CTNNA2: variants seen among roughly 807,000 people sequenced by gnomAD.
The protein encoded by CTNNA2 is catenin alpha 2.
Under a neutral mutation model 101.0 loss-of-function variants are expected in CTNNA2, and 42 were observed. That is an observed-to-expected ratio of 0.42 (90% confidence interval 0.32 to 0.54). The LOEUF is 0.54. Ranked by LOEUF, CTNNA2 falls within the 20% of genes least tolerant of loss-of-function variation. The pLI is 0.14. For synonymous variants in CTNNA2, 450 were observed against 456.4 expected (o/e 0.99, Z 0.18); for missense variants, 871 against 1,223.1 (o/e 0.71, Z 4.29).
intron 7 of CTNNA2, among the ~76,000 whole-genome samples, chr2:80,307,003 A>C (rs573101147): frequency 6.6e-6 from 1 of 151,162 alleles, no homozygotes; most frequent in South Asian, 2.1e-4. Flanking sequence ...GTGCTACTCA[A>C]AACTTACAAG....
intron 7 of CTNNA2, among the ~76,000 whole-genome samples, chr2:80,136,862 CAGA>C (rs1702724897): frequency 6.6e-6 from 1 of 152,162 alleles, no homozygotes; most frequent in Non-Finnish European, 1.5e-5. Flanking sequence ...CTTTACTGGA[CAGA>C]AGGTCAGTCA....
intron 13 of CTNNA2, 36 bp downstream of exon 13, chr2:80,574,350 TCTC>T: frequency 6.5e-7 from 1 of 1,537,682 alleles, no homozygotes; most frequent in Non-Finnish European, 8.8e-7. Context: ...GCTGGTCAGA[TCTC>T]CTAGTAGGAA....
At chr2:80,492,407 G>A (rs945836864) in intron 9 of CTNNA2, among the ~76,000 whole-genome samples, 1 of 152,136 alleles carries the variant, frequency 6.6e-6, no homozygotes, top group African/African-American at 2.4e-5. Flanking sequence ...AGCAGCATGA[G>A]AATGGACTCA....
intron 7 of CTNNA2, among the ~76,000 whole-genome samples, chr2:80,039,097 A>C (rs1574608012): frequency 6.6e-6 from 1 of 152,248 alleles, no homozygotes; most frequent in South Asian, 2.1e-4. Flanking sequence ...TGAGGATAGA[A>C]TTCAAGGGCA....
chr2:79,991,715 T>C (rs1046969586), intron 7 of CTNNA2, among the ~76,000 whole-genome samples: 2 of 152,136 alleles, frequency 1.3e-5, no homozygotes, highest in African/African-American at 4.8e-5. Flanking sequence ...CCATGATCAG[T>C]GAGATGCACT....
At chr2:79,353,633 A>G (rs773006072) in intron 3 of CTNNA2, among the ~76,000 whole-genome samples, 78 of 152,114 alleles carry the variant, frequency 5.1e-4, no homozygotes, top group Non-Finnish European at 9.7e-4. Context: ...TTGTCATTCT[A>G]TGCCAATTTA....
At chr2:80,612,738 C>A (rs1461148966) in intron 17 of CTNNA2, among the ~76,000 whole-genome samples, 1 of 151,360 alleles carries the variant, frequency 6.6e-6, no homozygotes, top group African/African-American at 2.4e-5. Context: ...CATTAAGCAA[C>A]CTTTTTTTCT....
At chr2:79,687,217 C>A (rs1683989413) in intron 2 of CTNNA2, among the ~76,000 whole-genome samples, 1 of 152,014 alleles carries the variant, frequency 6.6e-6, no homozygotes, top group East Asian at 1.9e-4. Flanking sequence ...AATATGGTGA[C>A]CCTGGCTCAC....
At chr2:79,752,716 A>G (rs906662043) in intron 3 of CTNNA2, among the ~76,000 whole-genome samples, 4 of 152,216 alleles carry the variant, frequency 2.6e-5, no homozygotes, top group Non-Finnish European at 5.9e-5. Flanking sequence ...GGCATGCATT[A>G]GAAGATCGTC....
At chr2:79,251,057 G>T (rs1026604329) in intron 2 of CTNNA2, among the ~76,000 whole-genome samples, 11 of 152,112 alleles carry the variant, frequency 7.2e-5, no homozygotes, top group African/African-American at 2.7e-4. Context: ...CTTCCTACAG[G>T]TTCTGTTTGA....
chr2:79,711,234 GA>G (rs1685717582), intron 2 of CTNNA2, among the ~76,000 whole-genome samples: 1 of 152,168 alleles, frequency 6.6e-6, no homozygotes, highest in Non-Finnish European at 1.5e-5. Context: ...TGTCTGGTGG[GA>G]ATGAGAATGG....
chr2:80,626,391 G>GT (rs1430508477), intron 18 of CTNNA2, among the ~76,000 whole-genome samples: 1 of 152,006 alleles, frequency 6.6e-6, no homozygotes, highest in East Asian at 1.9e-4. Flanking sequence ...GGAAGAAGAG[G>GT]TGAGAGGGTT....
At position 80,380,580 on chromosome 2, in the gene CTNNA2, T is replaced by A. The variant is rs182575387; in HGVS notation, c.1057-12631T>A. The stretch of plus-strand genomic sequence containing the variant: ...AGTGAAGTGTGAGATATATGCGCAA[T>A]CTGAAAAGGTATAAGCTTGTAGGAT... On this transcript the variant is annotated intron_variant, in intron 7 of 18. Transcript: ENST00000402739. Among the ~76,000 whole-genome samples the A allele has an allele frequency of 3.3e-5, 5 of 152,296 alleles. No homozygotes were observed. The East Asian group carries it at 9.7e-4, about 30-fold the overall frequency.
intron 7 of CTNNA2, among the ~76,000 whole-genome samples, chr2:80,262,182 C>A (rs1285296799): frequency 6.6e-6 from 1 of 151,820 alleles, no homozygotes; most frequent in African/African-American, 2.4e-5. Context: ...ATATGAAGAT[C>A]TCCAGATGTA....
intron 2 of CTNNA2, among the ~76,000 whole-genome samples, chr2:79,215,914 A>T (rs1031792807): frequency 6.6e-5 from 10 of 152,212 alleles, no homozygotes; most frequent in East Asian, 3.9e-4. Context: ...CAGATGGGTC[A>T]GTAGAAAAGG....
intron 7 of CTNNA2, among the ~76,000 whole-genome samples, chr2:80,165,100 G>A (rs377665222): frequency 6.6e-4 from 101 of 151,928 alleles, no homozygotes; most frequent in African/African-American, 2.2e-3. Context: ...CATTTTTGAA[G>A]TTTTTAGTTC....
At chr2:79,757,684 C>T (rs1232139564) in intron 3 of CTNNA2, among the ~76,000 whole-genome samples, 1 of 152,194 alleles carries the variant, frequency 6.6e-6, no homozygotes, top group Non-Finnish European at 1.5e-5. Flanking sequence ...CCCGAGAACA[C>T]AGCCACAGGT....
At chr2:79,713,361 G>A (rs185586590) in intron 2 of CTNNA2, among the ~76,000 whole-genome samples, 7 of 152,326 alleles carry the variant, frequency 4.6e-5, no homozygotes, top group Admixed American at 3.3e-4. Context: ...TGGGAAGGTC[G>A]CTTGAGGCCA....
chr2:80,170,656 C>T (rs962988096), intron 7 of CTNNA2, among the ~76,000 whole-genome samples: 33 of 152,090 alleles, frequency 2.2e-4, no homozygotes, highest in African/African-American at 6.5e-4. Context: ...AATGCTTATC[C>T]GATGAAATAA....
Sources: allele counts gnomAD v4.1 joint callset (sites outside exome capture counted in the v4.1 genomes callset), GRCh38; gene constraint gnomAD v4.1.1; transcripts MANE v1.5; gene names NCBI Gene and HGNC (gene_info 2026-07-23, HGNC 2026-07-21).